SSPN: variants seen among roughly 807,000 people sequenced by gnomAD.
SSPN encodes the protein sarcospan, also known as K-ras oncogene-associated protein.
Under a neutral mutation model 19.1 loss-of-function variants are expected in SSPN, and 15 were observed. That is an observed-to-expected ratio of 0.78 (90% CI 0.52 to 1.21). SSPN has a LOEUF of 1.21. Among genes scored for constraint, SSPN ranks in the 50% most tolerant of loss-of-function variants. The pLI, the probability that SSPN is intolerant of heterozygous loss-of-function variation, is 0.00. For missense variants in SSPN, 291 were observed against 314.0 expected, an observed-to-expected ratio of 0.93 and a Z score of 0.55; for synonymous variants, 147 against 140.3, an observed-to-expected ratio of 1.05 and a Z score of -0.34.
At chr12:26,151,468 G>A (rs1944525188) in intron 1 of SSPN, among the ~76,000 whole-genome samples, 1 of 152,120 alleles carries the variant, frequency 6.6e-6, no homozygotes, top group African/African-American at 2.4e-5. Context: ...TGGGTCCTAA[G>A]CTTTTCTGAG....
intron 1 of SSPN, among the ~76,000 whole-genome samples, chr12:26,208,278 G>A (rs12318480): frequency 0.21 from 31,591 of 152,040 alleles, 3,581 homozygotes; most frequent in African/African-American, 0.28. Context: ...ACCTCCACCA[G>A]TGGTAAATCA....
chr12:26,136,786 G>A lies in SSPN; in HGVS notation c.-31+14634G>A, dbSNP rs534816626. On this transcript the variant is annotated intron_variant, in intron 1 of 2. Transcript: ENST00000538142. ...GTTAAGAGTCCATGGTACTTCGTGT[G>A]CTACTTGGAAATAGGCAGTACTGGT... 1.8e-4 allele frequency among the ~76,000 whole-genome samples: 27 copies of A among 152,292 alleles called. No homozygotes were observed. The South Asian group carries it at 3.5e-3, about 20-fold the overall frequency.
intron 1 of SSPN, among the ~76,000 whole-genome samples, chr12:26,210,819 T>C (rs1944977835): frequency 6.6e-6 from 1 of 152,196 alleles, no homozygotes; most frequent in South Asian, 2.1e-4. Flanking sequence ...TCCTTAATAT[T>C]ATGCAGAAAT....
chr12:26,187,885 T>G (rs1012863014), intron 1 of SSPN, among the ~76,000 whole-genome samples: 1 of 152,100 alleles, frequency 6.6e-6, no homozygotes, highest in Non-Finnish European at 1.5e-5. Context: ...AGGATGATAG[T>G]TTTTGTGAAG....
chr12:26,132,173 G>T (rs891126203), intron 1 of SSPN, among the ~76,000 whole-genome samples: 1 of 152,158 alleles, frequency 6.6e-6, no homozygotes, highest in African/African-American at 2.4e-5. Context: ...TTTCCCTACA[G>T]ACAGACACAA....
rs915484844 is a variant in SSPN, at chr12:26,234,425, T to A, written c.*3349T>A. 6.6e-5 allele frequency: 10 copies of A among 152,218 alleles called. No homozygotes were observed. Among genetic ancestry groups the A allele is most frequent in the African/African-American group, 2.2e-4 (9 of 41,462 alleles). 9.4% of individuals were successfully genotyped at this position (152,218 alleles called of 1,614,324 possible). On this transcript the variant is annotated 3_prime_UTR_variant, in exon 3 of 3. Transcript: ENST00000242729. ...TTCTTGCTATTCTCAGAGCACTCTA[T>A]CATGTTTTTAGGTGTATATTGTGTA...
At chr12:26,228,131 C>T (rs986249541) in intron 2 of SSPN, among the ~76,000 whole-genome samples, 1 of 152,094 alleles carries the variant, frequency 6.6e-6, no homozygotes, top group Admixed American at 6.5e-5. Context: ...TGCGGTGGCT[C>T]ATGCCTGTAA....
intron 1 of SSPN, among the ~76,000 whole-genome samples, chr12:26,206,730 G>A (rs962518911): frequency 9.2e-5 from 14 of 152,248 alleles, no homozygotes; most frequent in African/African-American, 3.4e-4. Context: ...CACAAATACT[G>A]TTTGTAACAA....
At position 26,234,654 on chromosome 12, in the gene SSPN, C is replaced by G. The variant is rs1022435469; in HGVS notation, c.*3578C>G. ...ACTTTGGTGTTGTGGATTCATTTTT[C>G]TGGCATTGATCAAATAGCAAATACA... On this transcript the variant is annotated 3_prime_UTR_variant, in exon 3 of 3. Transcript: ENST00000242729. The G allele has an allele frequency of 2.0e-5, 3 of 152,166 alleles. No homozygotes were observed. Among genetic ancestry groups the G allele is most frequent in the Non-Finnish European group, 4.4e-5 (3 of 68,020 alleles). 9.4% of individuals were successfully genotyped at this position (152,166 alleles called of 1,614,324 possible).
chr12:26,124,289 G>C (rs1475983636), intron 1 of SSPN: 1 of 641,832 alleles, frequency 1.6e-6, no homozygotes, highest in Non-Finnish European at 2.6e-6. Flanking sequence ...CATACTATGT[G>C]ATAAACTACA....
chr12:26,157,603 T>G (rs920740177), intron 1 of SSPN, among the ~76,000 whole-genome samples: 1 of 152,202 alleles, frequency 6.6e-6, no homozygotes, highest in Non-Finnish European at 1.5e-5. Flanking sequence ...TTCTCACACA[T>G]ACCCAGACTT....
rs571828773 is a variant in SSPN at position 26,140,014 on chromosome 12, C to T, written c.-31+17862C>T. ...TCCTCACTGAATGATCTCATCCAGG[C>T]TCATGGCTTCAATATCATCTTTATG... On this transcript the variant is annotated intron_variant, in intron 1 of 2. Coordinates refer to the SSPN transcript ENST00000538142. Among the ~76,000 whole-genome samples, 4 of 152,312 alleles carry T rather than the reference C, an allele frequency of 2.6e-5. No individual in the cohort carries two copies. In the South Asian group the frequency reaches 6.2e-4, roughly 24 times the overall value.
intron 1 of SSPN, among the ~76,000 whole-genome samples, chr12:26,162,054 G>C (rs565097157): frequency 1.3e-5 from 2 of 152,244 alleles, no homozygotes; most frequent in East Asian, 3.9e-4. Context: ...ATTATTGAAT[G>C]AGGAAGTGAA....
At position 26,231,297 on chromosome 12, in the gene SSPN, G is replaced by C. The variant is rs2137524244; in HGVS notation, c.*221G>C. On this transcript the variant is annotated 3_prime_UTR_variant, in exon 3 of 3. Coordinates refer to ENST00000242729, the MANE Select transcript of SSPN (RefSeq NM_005086.5). ...AGAAAGCAAGATCCAAATTGATTTT[G>C]GGATATTAAAAGTTAACAGAACACT... 1 of 654,056 alleles carries C rather than the reference G, an allele frequency of 1.5e-6. No homozygotes were observed. Among genetic ancestry groups the C allele is most frequent in the South Asian group, 2.7e-5 (1 of 37,206 alleles). The allele number at this position is 654,056 out of a possible 1,614,324, so 40.5% of individuals were successfully genotyped here.
chr12:26,175,760 A>AC (rs1944679537), intron 1 of SSPN, among the ~76,000 whole-genome samples: 1 of 152,164 alleles, frequency 6.6e-6, no homozygotes, highest in Non-Finnish European at 1.5e-5. Context: ...CTTGTTAAAA[A>AC]TAAAAAAAAT....
chr12:26,175,168 C>T (rs1265831966), intron 1 of SSPN, among the ~76,000 whole-genome samples: 4 of 152,150 alleles, frequency 2.6e-5, no homozygotes, highest in African/African-American at 7.2e-5. Flanking sequence ...CTACTAGCAG[C>T]GTGTGACAAC....
In SSPN at chr12:26,195,789, C is replaced by A; in HGVS notation, c.117C>A (p.Cys39Ter). 1 of 1,524,940 alleles carries A rather than the reference C, an allele frequency of 6.6e-7. No homozygotes were observed. Among genetic ancestry groups the A allele is most frequent in the East Asian group, 2.6e-5 (1 of 38,576 alleles). 94.5% of individuals were successfully genotyped at this position (1,524,940 alleles called of 1,614,324 possible). Residue 39 changes from cysteine to a stop codon, truncating the protein, a stop_gained, in exon 1 of 3, where the codon TGC (cysteine) becomes TGA (stop). Coordinates refer to ENST00000242729, the MANE Select transcript of SSPN (RefSeq NM_005086.5). LOFTEE classifies it high-confidence loss of function. ...PKKGTGAPKE[C>*]GEEEPRTCCG... is the part of the protein sequence containing the mutation. Reference sequence around the variant, plus strand: ...AGGGCACGGGGGCCCCCAAGGAGTGCGGGGAGGAGGAGCCCCGGACCTGCT... The same window carrying A: ...AGGGCACGGGGGCCCCCAAGGAGTGAGGGGAGGAGGAGCCCCGGACCTGCT...
chr12:26,137,656 A>ATATAT (rs1377562695), intron 1 of SSPN, among the ~76,000 whole-genome samples: 7 of 76,438 alleles, frequency 9.2e-5, no homozygotes, highest in East Asian at 6.9e-4. Flanking sequence ...ATATATATAT[A>ATATAT]TTTTTTTTTT....
chr12:26,123,043 G>A (rs781258261), intron 1 of SSPN: 1 of 1,577,996 alleles, frequency 6.3e-7, no homozygotes, highest in East Asian at 2.3e-5. Context: ...TGGACACACC[G>A]CGGCTCCCTG....
Sources: gnomAD v4.1 joint callset for allele counts (sites outside exome capture counted in the v4.1 genomes callset) on GRCh38, gnomAD v4.1.1 for gene constraint, MANE v1.5 for transcripts, NCBI Gene and HGNC (gene_info 2026-07-23, HGNC 2026-07-21) for gene names.